Variants in PEX5L observed in about 807,000 individuals in gnomAD.
The protein encoded by PEX5L is PEX5-related protein.
A neutral mutation model predicts 84.0 loss-of-function variants in PEX5L; 30 were observed. That is an observed-to-expected ratio of 0.36 (90% CI 0.27 to 0.48). The LOEUF is 0.48. PEX5L is among the 20% of genes least tolerant of loss of function. The pLI, the probability that PEX5L is intolerant of heterozygous loss-of-function variation, is 0.99. For missense variants in PEX5L, 533 were observed against 754.6 expected, an observed-to-expected ratio of 0.71 and a Z score of 3.44; for synonymous variants, 270 against 283.1, an observed-to-expected ratio of 0.95 and a Z score of 0.46.
In PEX5L at chr3:179,948,213, C is replaced by T. The variant is rs146245503; in HGVS notation, c.93+23381G>A. Among the ~76,000 whole-genome samples the T allele has an allele frequency of 1.7e-3, 261 of 152,288 alleles. 2 individuals are homozygous for T. Among genetic ancestry groups the T allele is most frequent in the African/African-American group, 6.1e-3 (253 of 41,566 alleles). Reference sequence around the variant, plus strand: ...GCAAAGGGCCTGGAAGTTCAGTTCACATTTTCATATTACAGTATTTGCATT... The same window carrying T: ...GCAAAGGGCCTGGAAGTTCAGTTCATATTTTCATATTACAGTATTTGCATT... On this transcript the variant is annotated intron_variant, in intron 2 of 14. Coordinates refer to ENST00000467460, the MANE Select transcript of PEX5L (RefSeq NM_016559.3).
chr3:179,949,865 T>G (rs1190940649), intron 2 of PEX5L, among the ~76,000 whole-genome samples: 5 of 152,102 alleles, frequency 3.3e-5, no homozygotes, highest in Admixed American at 1.3e-4. Flanking sequence ...TAAGATGCAG[T>G]TTCTACCTTA....
chr3:180,021,163 C>G (rs73059358), intron 1 of PEX5L, among the ~76,000 whole-genome samples: 1 of 152,086 alleles, frequency 6.6e-6, no homozygotes, highest in Non-Finnish European at 1.5e-5. Flanking sequence ...AAGCAAGGAT[C>G]GGCCAGGTAG....
intron 2 of PEX5L, among the ~76,000 whole-genome samples, chr3:179,936,938 C>T (rs1774747956): frequency 2.5e-5 from 1 of 40,250 alleles, no homozygotes; most frequent in Non-Finnish European, 5.6e-5. Flanking sequence ...GTAACCTTTG[C>T]TACTCGTTTA....
intron 2 of PEX5L, among the ~76,000 whole-genome samples, chr3:179,908,469 T>C (rs893016809): frequency 6.6e-6 from 1 of 152,220 alleles, no homozygotes; most frequent in African/African-American, 2.4e-5. Flanking sequence ...TTATCTTTTT[T>C]TATTTTATTA....
chr3:179,810,087 C>T (rs1273336973), intron 11 of PEX5L, among the ~76,000 whole-genome samples: 5 of 136,106 alleles, frequency 3.7e-5, no homozygotes, highest in Non-Finnish European at 7.6e-5. Context: ...GATCTTGGCT[C>T]ACTGCAACCT....
intron 2 of PEX5L, among the ~76,000 whole-genome samples, chr3:179,940,253 G>T (rs1775705848): frequency 6.6e-6 from 1 of 152,144 alleles, no homozygotes; most frequent in East Asian, 1.9e-4. Context: ...AATGAAGCTT[G>T]GAGGAGAGGA....
intron 2 of PEX5L, among the ~76,000 whole-genome samples, chr3:179,939,081 C>G (rs1442973711): frequency 1.3e-5 from 2 of 152,178 alleles, no homozygotes; most frequent in Non-Finnish European, 2.9e-5. Context: ...CAAATTTATG[C>G]CATTTGAATT....
intron 1 of PEX5L, among the ~76,000 whole-genome samples, chr3:180,001,527 G>A (rs1415133342): frequency 6.6e-6 from 1 of 151,584 alleles, no homozygotes; most frequent in Admixed American, 6.6e-5. Context: ...ATAGAGGAAC[G>A]CTTCAAACCA....
chr3:180,031,267 G>A (rs895155341), intron 1 of PEX5L, among the ~76,000 whole-genome samples: 64 of 152,020 alleles, frequency 4.2e-4, no homozygotes, highest in African/African-American at 1.5e-3. Flanking sequence ...TAATATATAA[G>A]CTATAATAAT....
chr3:179,866,972 G>C (rs922307632), intron 7 of PEX5L, among the ~76,000 whole-genome samples: 2 of 145,352 alleles, frequency 1.4e-5, no homozygotes, highest in African/African-American at 2.6e-5. Flanking sequence ...GTTGCCGTGA[G>C]TCGAGATCGC....
intron 1 of PEX5L, among the ~76,000 whole-genome samples, chr3:180,002,314 C>T (rs906450655): frequency 5.9e-5 from 9 of 152,054 alleles, no homozygotes; most frequent in African/African-American, 2.2e-4. Flanking sequence ...TACGATGTTG[C>T]CAGGTTACAA....
intron 2 of PEX5L, among the ~76,000 whole-genome samples, chr3:179,942,167 T>C (rs1197435531): frequency 2.0e-5 from 3 of 152,200 alleles, no homozygotes; most frequent in African/African-American, 7.2e-5. Flanking sequence ...TTCTAGTCTA[T>C]TGAACCCTTC....
intron 1 of PEX5L, among the ~76,000 whole-genome samples, chr3:180,034,869 T>G (rs1791760159): frequency 6.6e-6 from 1 of 152,186 alleles, no homozygotes; most frequent in Admixed American, 6.5e-5. Flanking sequence ...ATTTTGTTTA[T>G]TCTTTCAAAG....
In PEX5L at chr3:180,001,168, C is replaced by T. The variant is rs187035879; in HGVS notation, c.22-29503G>A. On this transcript the variant is annotated intron_variant, in intron 1 of 14. Transcript: ENST00000467460. ...CCTAGCCTTCAAACTACATCTTTCT[C>T]CCGTGCTGGATGCTTCCTGCCCTTG... 2.6e-4 allele frequency among the ~76,000 whole-genome samples: 40 copies of T among 152,104 alleles called. No individual in the cohort carries two copies. The East Asian group carries it at 6.2e-3, about 24-fold the overall frequency.
At chr3:179,934,871 A>C (rs1298753869) in intron 2 of PEX5L, among the ~76,000 whole-genome samples, 4 of 152,152 alleles carry the variant, frequency 2.6e-5, no homozygotes, top group Admixed American at 1.3e-4. Context: ...TCTTTTTACT[A>C]GTTCAGTATC....
In PEX5L at chr3:179,809,425, T is replaced by C. The variant is rs1722848302; in HGVS notation, c.1352+46A>G. On this transcript the variant is annotated intron_variant, in intron 12 of 14. Coordinates refer to ENST00000467460, the MANE Select transcript of PEX5L (RefSeq NM_016559.3). ...TAGTTGCCCTTTAGGTGATTCATTG[T>C]ATATATGGGTGTTTACTGCCAGCTG... 5 of 1,410,100 alleles carry C rather than the reference T, an allele frequency of 3.5e-6. No individual in the cohort carries two copies. The East Asian group carries it at 1.1e-4, about 32-fold the overall frequency. The allele number at this position is 1,410,100 out of a possible 1,614,324, so 87.3% of individuals were successfully genotyped here.
intron 2 of PEX5L, among the ~76,000 whole-genome samples, chr3:179,959,185 G>T (rs1268067846): frequency 6.6e-6 from 1 of 151,938 alleles, no homozygotes; most frequent in African/African-American, 2.4e-5. Context: ...ACCACTCTTT[G>T]AGTAGACAGG....
chr3:179,920,808 A>G (rs565032259), intron 2 of PEX5L, among the ~76,000 whole-genome samples: 1 of 152,324 alleles, frequency 6.6e-6, no homozygotes, highest in African/African-American at 2.4e-5. Context: ...AAATGCTCGG[A>G]AAGTATTTTT....
intron 1 of PEX5L, among the ~76,000 whole-genome samples, chr3:179,982,931 A>C (rs1460437336): frequency 6.6e-6 from 1 of 152,050 alleles, no homozygotes; most frequent in Non-Finnish European, 1.5e-5. Flanking sequence ...TTTAAAAAAA[A>C]CCACTAAAAA....
Sources: gnomAD v4.1 joint callset for allele counts (sites outside exome capture counted in the v4.1 genomes callset) on GRCh38, gnomAD v4.1.1 for gene constraint, MANE v1.5 for transcripts, NCBI Gene and HGNC (gene_info 2026-07-23, HGNC 2026-07-21) for gene names.